Variants in FOXN3 observed in about 807,000 individuals in gnomAD.
FOXN3 encodes the protein forkhead box protein N3.
A neutral mutation model predicts 38.4 loss-of-function variants in FOXN3; 7 were observed. The observed-to-expected ratio is 0.18, with a 90% CI of 0.10 to 0.34. The LOEUF (loss-of-function observed/expected upper bound fraction) is 0.34, where lower values mean the gene tolerates loss of function less well. FOXN3 is among the 10% of genes least tolerant of loss of function. The pLI is 1.00. For synonymous variants in FOXN3, 230 were observed against 242.2 expected (o/e 0.95, Z 0.47); for missense variants, 456 against 613.4 (o/e 0.74, Z 2.71).
chr14:89,289,129 A>T (rs1886775020), intron 3 of FOXN3, among the ~76,000 whole-genome samples: 1 of 149,274 alleles, frequency 6.7e-6, no homozygotes, highest in Non-Finnish European at 1.5e-5. Context: ...TTGCAGTGGG[A>T]CGAGATCATG....
intron 2 of FOXN3, chr14:89,353,403 G>A (rs1025959997): frequency 1.3e-4 from 19 of 151,672 alleles, no homozygotes; most frequent in African/African-American, 4.1e-4. Context: ...CAACAGCAGC[G>A]GTGGGAAGGG....
chr14:89,402,027 C>T (rs1201453647), intron 2 of FOXN3, among the ~76,000 whole-genome samples: 1 of 152,174 alleles, frequency 6.6e-6, no homozygotes, highest in African/African-American at 2.4e-5. Flanking sequence ...AAGACTTCAT[C>T]CTGTTCATGG....
chr14:89,298,465 G>A (rs1217007392), intron 3 of FOXN3, among the ~76,000 whole-genome samples: 20 of 121,278 alleles, frequency 1.6e-4, no homozygotes, highest in Non-Finnish European at 2.6e-4. Flanking sequence ...GGGAGACTCC[G>A]TCTATTTAAA....
chr14:89,163,121 G>C lies in FOXN3; in HGVS notation c.852-152C>G. 1 of 675,096 alleles carries C rather than the reference G, an allele frequency of 1.5e-6. No individual in the cohort carries two copies. The highest frequency in any genetic ancestry group is 3.4e-5 in the Admixed American group (1 of 29,464). The allele number at this position is 675,096 out of a possible 1,614,324, so 41.8% of individuals were successfully genotyped here. ...CTCGCAAACTGTGGGGGCAACAGGT[G>C]GATCTGCTTTGAAGGCAGGGTCCTA... On this transcript the variant is annotated intron_variant, in intron 5 of 5. Transcript: ENST00000557258. This position sits in a 1 kb window ranked among gnomAD's most constrained non-coding sequence, Gnocchi z 4.3.
intron 1 of FOXN3, among the ~76,000 whole-genome samples, chr14:89,565,552 G>A (rs1446870335): frequency 1.3e-5 from 2 of 152,132 alleles, no homozygotes; most frequent in Non-Finnish European, 2.9e-5. Flanking sequence ...CCTCATCTTT[G>A]ACATGAAGTG....
intron 1 of FOXN3, among the ~76,000 whole-genome samples, chr14:89,475,036 G>A (rs764060131): frequency 1.3e-4 from 19 of 151,580 alleles, no homozygotes; most frequent in African/African-American, 2.4e-4. Context: ...GGCTGGTCTC[G>A]AACTCCTGAC....
intron 1 of FOXN3, among the ~76,000 whole-genome samples, chr14:89,517,168 A>G (rs1894222885): frequency 6.6e-6 from 1 of 152,064 alleles, no homozygotes; most frequent in Admixed American, 6.5e-5. Context: ...CCAACCAGAC[A>G]GATGGTCAAC....
intron 3 of FOXN3, among the ~76,000 whole-genome samples, chr14:89,307,463 G>A (rs541018370): frequency 6.6e-6 from 1 of 152,144 alleles, no homozygotes; most frequent in Non-Finnish European, 1.5e-5. Flanking sequence ...TTATATATAT[G>A]TGTGTAAATA....
chr14:89,485,315 C>A (rs1431737194), intron 1 of FOXN3, among the ~76,000 whole-genome samples: 1 of 152,090 alleles, frequency 6.6e-6, no homozygotes, highest in Non-Finnish European at 1.5e-5. Context: ...CAGCCCTCCC[C>A]CTTGAGACCC....
At chr14:89,274,084 G>A (rs1238102937) in intron 4 of FOXN3, among the ~76,000 whole-genome samples, 1 of 152,186 alleles carries the variant, frequency 6.6e-6, no homozygotes, top group African/African-American at 2.4e-5. Context: ...AGGCCAAAGA[G>A]CCCAGGGGCT....
chr14:89,379,816 A>G (rs925738478), intron 2 of FOXN3, among the ~76,000 whole-genome samples: 9 of 151,542 alleles, frequency 5.9e-5, no homozygotes, highest in African/African-American at 2.2e-4. Flanking sequence ...GCCCACCACC[A>G]TGTCTAGCTA....
intron 4 of FOXN3, among the ~76,000 whole-genome samples, chr14:89,254,673 T>C (rs1037798176): frequency 2.6e-5 from 4 of 152,232 alleles, no homozygotes; most frequent in African/African-American, 9.6e-5. Context: ...ACCAGTGTGC[T>C]GGCTCTGCTC....
At chr14:89,470,303 A>T (rs1246867319) in intron 1 of FOXN3, among the ~76,000 whole-genome samples, 1 of 152,176 alleles carries the variant, frequency 6.6e-6, no homozygotes, top group Admixed American at 6.5e-5. Flanking sequence ...CTAAAAAAAA[A>T]AAAAAGCATT....
chr14:89,411,257 C>T (rs1891538429), intron 2 of FOXN3, among the ~76,000 whole-genome samples: 1 of 152,166 alleles, frequency 6.6e-6, no homozygotes, highest in Non-Finnish European at 1.5e-5. Context: ...GTCCCTAGTG[C>T]CAAAAACATT....
chr14:89,439,499 TGCCATGGCAACATCAG>T (rs1892333981), intron 1 of FOXN3, among the ~76,000 whole-genome samples: 1 of 152,056 alleles, frequency 6.6e-6, no homozygotes, highest in Non-Finnish European at 1.5e-5. Flanking sequence ...AATTTACAAA[TGCCATGGCAACATCAG>T]GAAGTTACCC....
chr14:89,430,581 T>C (rs566465816), intron 1 of FOXN3, among the ~76,000 whole-genome samples: 9 of 152,346 alleles, frequency 5.9e-5, no homozygotes, highest in Admixed American at 2.0e-4. Flanking sequence ...GGATAAGTAG[T>C]CCTATGATTT....
chr14:89,278,242 C>T (rs1886356685), intron 4 of FOXN3, among the ~76,000 whole-genome samples: 2 of 152,076 alleles, frequency 1.3e-5, no homozygotes, highest in South Asian at 4.1e-4. Flanking sequence ...GAATGAAAGC[C>T]AAGCAAAAGG....
intron 2 of FOXN3, among the ~76,000 whole-genome samples, chr14:89,392,113 G>A (rs1015551486): frequency 6.6e-6 from 1 of 152,176 alleles, no homozygotes. Context: ...TGTGAACCCA[G>A]TTAGGTTTCA....
At chr14:89,195,984 C>A (rs1309584403) in intron 4 of FOXN3, among the ~76,000 whole-genome samples, 1 of 152,132 alleles carries the variant, frequency 6.6e-6, no homozygotes, top group Non-Finnish European at 1.5e-5. Context: ...CTGAGCCAAT[C>A]TCAAATCCCA....
Sources: gnomAD v4.1 joint callset for allele counts (sites outside exome capture counted in the v4.1 genomes callset) on GRCh38, gnomAD v4.1.1 for gene constraint, Gnocchi (gnomAD v3.1) non-coding constraint, MANE v1.5 for transcripts, NCBI Gene and HGNC (gene_info 2026-07-23, HGNC 2026-07-21) for gene names.